ESR2: variants seen among roughly 807,000 people sequenced by gnomAD.
ESR2 encodes estrogen receptor 2, also known as estrogen receptor beta.
Under a neutral mutation model 49.6 loss-of-function variants are expected in ESR2, and 36 were observed. The observed-to-expected ratio is 0.73, with a 90% CI of 0.56 to 0.96. The LOEUF (loss-of-function observed/expected upper bound fraction) is 0.96. ESR2 is among the 40% of genes least tolerant of loss of function. ESR2 has a pLI of 0.00. For synonymous variants in ESR2, 320 were observed against 266.1 expected, an observed-to-expected ratio of 1.20 and a Z score of -1.97; for missense variants, 714 against 693.0, an observed-to-expected ratio of 1.03 and a Z score of -0.34.
intron 7 of ESR2, among the ~76,000 whole-genome samples, chr14:64,245,693 G>A (rs2075840597): frequency 1.3e-5 from 2 of 152,036 alleles, no homozygotes. Flanking sequence ...TTTCCCATTT[G>A]CACAGATGCT....
intron 1 of ESR2, among the ~76,000 whole-genome samples, chr14:64,304,488 G>C (rs528784754): frequency 1.3e-5 from 2 of 152,260 alleles, no homozygotes; most frequent in Admixed American, 6.5e-5. Flanking sequence ...TGTGACTCAG[G>C]CTGCACAGCC....
chr14:64,268,811 C>A lies in ESR2; in HGVS notation c.636G>T (p.Val212=). The change falls in exon 4 of 9, where the codon GTG becomes GTT. Residue 212 remains valine, a synonymous_variant. Coordinates refer to ENST00000341099, the MANE Select transcript of ESR2 (RefSeq NM_001437.3). The part of the protein sequence containing the change: ...QACRLRKCYE[V]GMVKCGSRRE... ...AGCACTCACCACACTTCACCATTCC[C>A]ACTTCGTAACACTTCCGAAGTCGGC... 1 of 1,608,978 alleles carries A rather than the reference C, an allele frequency of 6.2e-7. No homozygotes were observed. Among genetic ancestry groups the A allele is most frequent in the Non-Finnish European group, 8.5e-7 (1 of 1,175,366 alleles).
At chr14:64,313,171 G>A (rs1019304245) in intron 1 of ESR2, among the ~76,000 whole-genome samples, 1 of 152,012 alleles carries the variant, frequency 6.6e-6, no homozygotes, top group Non-Finnish European at 1.5e-5. Context: ...CAACCAAGAA[G>A]ACACAGTAAT....
chr14:64,259,220 C>T (rs1416441809), intron 5 of ESR2, among the ~76,000 whole-genome samples: 1 of 152,124 alleles, frequency 6.6e-6, no homozygotes, highest in African/African-American at 2.4e-5. Flanking sequence ...AACTAGAAAC[C>T]AAAAATCCTC....
Position 64,239,098 on chromosome 14 carries a change from T to C in ESR2, c.1226-3948A>G, listed in dbSNP as rs559184875. Among the ~76,000 whole-genome samples the C allele has an allele frequency of 1.7e-3, 252 of 152,342 alleles. 1 individual carries two copies. Among genetic ancestry groups the C allele is most frequent in the Non-Finnish European group, 2.1e-3 (142 of 68,034 alleles). On this transcript the variant is annotated intron_variant, in intron 7 of 8. Transcript: ENST00000341099. ...GCTTTGGGGAGCCGTATGTGGCGTT[T>C]GCTTGTTTGCTTTGAGGAAAGGAAC...
chr14:64,334,283 T>C (rs2077501799), intron 1 of ESR2, among the ~76,000 whole-genome samples: 1 of 152,220 alleles, frequency 6.6e-6, no homozygotes, highest in Non-Finnish European at 1.5e-5. Context: ...AGTGGCTTTG[T>C]TGAGGGATCC....
At chr14:64,259,693 T>C (rs2140722629) in intron 5 of ESR2, among the ~76,000 whole-genome samples, 1 of 152,344 alleles carries the variant, frequency 6.6e-6, no homozygotes, top group South Asian at 2.1e-4. Flanking sequence ...ATTTTTAACT[T>C]GATGGCATTC....
chr14:64,331,842 A>AG (rs568860390), intron 1 of ESR2, among the ~76,000 whole-genome samples: 33 of 145,948 alleles, frequency 2.3e-4, no homozygotes, highest in Non-Finnish European at 3.3e-4. Context: ...AAAAAAAAAA[A>AG]AAGAATCCTT....
downstream of ESR2, chr14:64,227,890 C>T: frequency 6.3e-7 from 1 of 1,597,680 alleles, no homozygotes; most frequent in South Asian, 1.1e-5. Context: ...ACTCTTGGCA[C>T]TAAGATAACT....
chr14:64,251,331 C>T (rs1168139183), intron 6 of ESR2, among the ~76,000 whole-genome samples: 2 of 148,860 alleles, frequency 1.3e-5, no homozygotes, highest in African/African-American at 4.9e-5. Context: ...AACAAAAAAA[C>T]CCACCAACTC....
chr14:64,248,895 C>T (rs1412234447), intron 7 of ESR2, among the ~76,000 whole-genome samples: 1 of 151,724 alleles, frequency 6.6e-6, no homozygotes, highest in Non-Finnish European at 1.5e-5. Context: ...ATGACACTCC[C>T]CTGCCTGAAC....
At position 64,228,412 on chromosome 14, in the gene ESR2, C is replaced by G. The variant is rs960732372; in HGVS notation, c.*4725G>C. Among the ~76,000 whole-genome samples, 1 of 152,232 alleles carries G rather than the reference C, an allele frequency of 6.6e-6. No individual in the cohort carries two copies. On this transcript the variant is annotated 3_prime_UTR_variant, in exon 9 of 9. Coordinates refer to ENST00000341099, the MANE Select transcript of ESR2 (RefSeq NM_001437.3). ...TTAAAGGGACACAGTAAGGAAAACA[C>G]TCCCTGGAGGAAGGGAAAGCAGGTC...
At chr14:64,227,780 C>G, downstream of ESR2, 3 of 1,538,372 alleles carry the variant, frequency 2.0e-6, no homozygotes, top group Non-Finnish European at 2.6e-6. Flanking sequence ...TTCTTTCACT[C>G]AAAGCTCAGT....
At chr14:64,285,999 T>C (rs2076779427) in intron 1 of ESR2, among the ~76,000 whole-genome samples, 1 of 152,042 alleles carries the variant, frequency 6.6e-6, no homozygotes, top group East Asian at 1.9e-4. Context: ...GTCAAGGACA[T>C]TAAAGATGGG....
downstream of ESR2, chr14:64,226,903 C>G (rs944092251): frequency 1.3e-5 from 2 of 152,314 alleles, no homozygotes; most frequent in Admixed American, 6.5e-5. Context: ...GTTGGCCAGG[C>G]TGGTTTCAAA....
At position 64,230,885 on chromosome 14, in the gene ESR2, A is replaced by G. The variant is rs1167296817; in HGVS notation, c.*2252T>C. 3 of 134,732 alleles carry G rather than the reference A, an allele frequency of 2.2e-5. No homozygotes were observed. Among genetic ancestry groups the G allele is most frequent in the Admixed American group, 1.5e-4 (2 of 13,218 alleles). The allele number at this position is 134,732 out of a possible 1,614,324, so 8.3% of individuals were successfully genotyped here. A position where few individuals can be genotyped will look rare whatever the true frequency, so the allele number is the denominator to read the frequency against. ...AAAAATTATATATATATATATATAT[A>G]TATTTCGTGGCAATTTTTTTTTTTT... is the stretch of plus-strand genomic sequence containing the variant. On this transcript the variant is annotated 3_prime_UTR_variant, in exon 9 of 9. Coordinates refer to ENST00000341099, the MANE Select transcript of ESR2 (RefSeq NM_001437.3).
chr14:64,288,805 G>A (rs1216780268), intron 1 of ESR2, among the ~76,000 whole-genome samples: 2 of 151,522 alleles, frequency 1.3e-5, no homozygotes, highest in African/African-American at 2.4e-5. Context: ...TGGCCAACAT[G>A]GAGAAACCCA....
intron 3 of ESR2, among the ~76,000 whole-genome samples, chr14:64,279,153 C>T (rs1285613078): frequency 2.6e-5 from 4 of 152,106 alleles, no homozygotes; most frequent in Non-Finnish European, 5.9e-5. Flanking sequence ...CTTGGAAGCC[C>T]CTGCTTTCAG....
Position 64,329,618 on chromosome 14 carries a change from AAAAGAAAGAAAG to A in ESR2, c.-91+8268_-91+8279del, listed in dbSNP as rs144328182. 4 of 150,484 alleles carry A rather than the reference AAAAGAAAGAAAG, an allele frequency of 2.7e-5. No individual in the cohort carries two copies. In the South Asian group the frequency reaches 8.4e-4, roughly 32 times the overall value. 9.3% of individuals were successfully genotyped at this position (150,484 alleles called of 1,614,324 possible). A position where few individuals can be genotyped will look rare whatever the true frequency, so the allele number is the denominator to read the frequency against. On this transcript the variant is annotated intron_variant, in intron 1 of 8. Transcript: ENST00000358599. ...CGTGAAACCCTGCCTCTATCAAAAA[AAAAGAAAGAAAG>A]AAAGAAAGAAGAAATTTGTATGTGA...
Sources: gnomAD v4.1 joint callset for allele counts (sites outside exome capture counted in the v4.1 genomes callset) on GRCh38, gnomAD v4.1.1 for gene constraint, MANE v1.5 for transcripts, NCBI Gene and HGNC (gene_info 2026-07-23, HGNC 2026-07-21) for gene names.